Variants in ELP4 observed in about 807,000 individuals in gnomAD.
The protein encoded by ELP4 is elongator acetyltransferase complex subunit 4.
ELP4 carries 51 observed loss-of-function variants against 48.9 expected under a neutral mutation model. That is an observed-to-expected ratio of 1.04 (90% CI 0.83 to 1.32). The LOEUF (loss-of-function observed/expected upper bound fraction) is 1.32. ELP4 is among the 40% of genes most tolerant of loss of function. The probability of loss-of-function intolerance (pLI) is 0.00; values close to 1 mark genes in which losing one functional copy is unlikely to be tolerated. For missense variants in ELP4, 519 were observed against 514.6 expected (o/e 1.01, Z -0.08); for synonymous variants, 210 against 189.2 (o/e 1.11, Z -0.90).
chr11:31,573,916 A>G (rs1302299331), intron 3 of ELP4, among the ~76,000 whole-genome samples: 2 of 151,328 alleles, frequency 1.3e-5, no homozygotes, highest in African/African-American at 2.4e-5. Flanking sequence ...CTTTCTCCAA[A>G]TACCATCTCA....
At position 31,698,133 on chromosome 11, in the gene ELP4, T is replaced by C. The variant is rs543821641; in HGVS notation, c.1143+47912T>C. Among the ~76,000 whole-genome samples the C allele has an allele frequency of 6.6e-5, 10 of 152,208 alleles. No homozygotes were observed. The East Asian group carries it at 1.9e-3, about 29-fold the overall frequency. ...TTAACCTTCCCAGCTGTAGCGGGGG[T>C]GGCGTGTTAGTCTAATCTGGTATAA... On this transcript the variant is annotated intron_variant, in intron 9 of 9. Transcript: ENST00000640961.
At chr11:31,615,074 G>T (rs1478965211) in intron 5 of ELP4, among the ~76,000 whole-genome samples, 2 of 151,998 alleles carry the variant, frequency 1.3e-5, no homozygotes, top group Non-Finnish European at 2.9e-5. Context: ...GAATGTCCTT[G>T]TTTGTAGGAA....
chr11:31,629,846 A>C (rs1944821655), intron 6 of ELP4, among the ~76,000 whole-genome samples: 1 of 149,384 alleles, frequency 6.7e-6, no homozygotes, highest in African/African-American at 2.5e-5. Flanking sequence ...TGTTATCATG[A>C]GATAACAAAT....
intron 9 of ELP4, among the ~76,000 whole-genome samples, chr11:31,772,880 A>T (rs1948176678): frequency 6.6e-6 from 1 of 152,234 alleles, no homozygotes. Context: ...TACTGGCTAG[A>T]AACTGCAAAA....
intron 9 of ELP4, among the ~76,000 whole-genome samples, chr11:31,729,548 T>C (rs1275225967): frequency 1.3e-5 from 2 of 152,236 alleles, no homozygotes; most frequent in Non-Finnish European, 2.9e-5. Flanking sequence ...TGTTAAACGC[T>C]TCTAACACCC....
At chr11:31,741,891 A>C (rs910375059) in intron 9 of ELP4, among the ~76,000 whole-genome samples, 2 of 152,222 alleles carry the variant, frequency 1.3e-5, no homozygotes, top group African/African-American at 4.8e-5. Flanking sequence ...ACAAAGCTGG[A>C]CAGAGAATGA....
chr11:31,780,546 T>C (rs1948348275), intron 9 of ELP4: 1 of 152,200 alleles, frequency 6.6e-6, no homozygotes, highest in South Asian at 2.1e-4. Flanking sequence ...TTAAAAGCAG[T>C]TAATCATATT....
intron 5 of ELP4, among the ~76,000 whole-genome samples, chr11:31,616,298 A>C (rs1425829061): frequency 6.6e-6 from 1 of 152,098 alleles, no homozygotes; most frequent in Non-Finnish European, 1.5e-5. Flanking sequence ...ATGGTCAAAT[A>C]ATCTTCAACA....
intron 9 of ELP4, chr11:31,662,506 G>A (rs1265557362): frequency 7.6e-6 from 3 of 397,162 alleles, no homozygotes; most frequent in Non-Finnish European, 1.3e-5. Flanking sequence ...CTATCATTTT[G>A]TCTATGGCTG....
At chr11:31,681,868 G>C in intron 9 of ELP4, 1 of 259,800 alleles carries the variant, frequency 3.8e-6, no homozygotes, top group Non-Finnish European at 7.8e-6. Context: ...AGCCTCCCTA[G>C]TAGCTGGGAT....
chr11:31,690,858 G>T (rs1946265670), intron 9 of ELP4, among the ~76,000 whole-genome samples: 1 of 147,066 alleles, frequency 6.8e-6, no homozygotes, highest in Non-Finnish European at 1.5e-5. Flanking sequence ...CTTATTCAAG[G>T]CCTTTTAAAG....
At chr11:31,728,608 G>T (rs1947124829) in intron 9 of ELP4, among the ~76,000 whole-genome samples, 1 of 152,150 alleles carries the variant, frequency 6.6e-6, no homozygotes, top group Non-Finnish European at 1.5e-5. Context: ...CTAAGTCTTT[G>T]CAGCAGTGCT....
rs1945237907 is a variant in ELP4 at position 31,647,850 on chromosome 11, G to GT, written c.1036+2dup. 6.5e-7 allele frequency: 1 copy of GT among 1,549,368 alleles called. No homozygotes were observed. The highest frequency in any genetic ancestry group is 1.4e-5 in the African/African-American group (1 of 73,376). ...AACCCATTGTATAAGGATTATCATG[G>GT]TAAGTACAACCTTCATAATGAGAAG... is the stretch of plus-strand genomic sequence containing the variant. On this transcript the variant is annotated splice_donor_variant, in intron 8 of 9. Transcript: ENST00000640961. LOFTEE classifies it high-confidence loss of function.
Position 31,783,865 on chromosome 11 carries a change from A to C in ELP4, c.*341A>C, listed in dbSNP as rs112557795. ...CATGTCACAGCAGGTAGCATACAAA[A>C]CATGATGAAATTCAAGATTGTATGT... On this transcript the variant is annotated 3_prime_UTR_variant, in exon 10 of 10. Coordinates refer to ENST00000640961, the MANE Select transcript of ELP4 (RefSeq NM_019040.5). 2.3e-3 allele frequency: 402 copies of C among 171,112 alleles called. 2 individuals carry two copies. The highest frequency in any genetic ancestry group is 9.1e-3 in the African/African-American group (385 of 42,350). 10.6% of individuals were successfully genotyped at this position (171,112 alleles called of 1,614,324 possible).
At chr11:31,539,613 GA>G in intron 2 of ELP4, 48 bp from the exon 3 acceptor site, 1 of 1,546,366 alleles carries the variant, frequency 6.5e-7, no homozygotes, top group East Asian at 2.3e-5. Context: ...ATAGCCATTT[GA>G]TTCTTTTCTT....
At chr11:31,544,297 G>A (rs1258412427) in intron 3 of ELP4, among the ~76,000 whole-genome samples, 1 of 152,206 alleles carries the variant, frequency 6.6e-6, no homozygotes, top group African/African-American at 2.4e-5. Context: ...ACTCCCACCT[G>A]AATACTGCAC....
intron 9 of ELP4, among the ~76,000 whole-genome samples, chr11:31,735,997 A>G (rs1947307432): frequency 6.6e-6 from 1 of 152,162 alleles, no homozygotes; most frequent in African/African-American, 2.4e-5. Flanking sequence ...TATGGAACCA[A>G]AAAAGAGCCC....
intron 7 of ELP4, chr11:31,633,798 A>G (rs1944915794): frequency 6.6e-6 from 1 of 152,050 alleles, no homozygotes; most frequent in Admixed American, 6.6e-5. Context: ...TGTTACTACA[A>G]CTATTTATTA....
At position 31,788,315 on chromosome 11, in the gene ELP4, A is replaced by G. The variant is rs1948823229; in HGVS notation, c.*4791A>G. 3.1e-5 allele frequency: 7 copies of G among 225,074 alleles called. No individual in the cohort carries two copies. Among genetic ancestry groups the G allele is most frequent in the Non-Finnish European group, 6.2e-5 (7 of 112,996 alleles). 13.9% of individuals were successfully genotyped at this position (225,074 alleles called of 1,614,324 possible). On this transcript the variant is annotated 3_prime_UTR_variant, in exon 10 of 10. Transcript: ENST00000640961. ...CAGTCTGCTTTGTTGTTGTCTGTTG[A>G]TGTGTCTGTGCTCATTATTCCTTGA...
Sources: gnomAD v4.1 joint callset for allele counts (sites outside exome capture counted in the v4.1 genomes callset) on GRCh38, gnomAD v4.1.1 for gene constraint, MANE v1.5 for transcripts, NCBI Gene and HGNC (gene_info 2026-07-23, HGNC 2026-07-21) for gene names.